TCF12: variants seen among roughly 807,000 people sequenced by gnomAD.
TCF12 encodes the protein transcription factor 12, also known as DNA-binding protein HTF4.
TCF12 carries 45 observed loss-of-function variants against 86.0 expected under a neutral mutation model. That is an observed-to-expected ratio of 0.52 (90% CI 0.41 to 0.67). The LOEUF is 0.67. Ranked by LOEUF, TCF12 falls within the 30% of genes least tolerant of loss-of-function variation. TCF12 has a pLI of 0.00. For synonymous variants in TCF12, 330 were observed against 299.6 expected (o/e 1.10, Z -1.05); for missense variants, 881 against 859.9 (o/e 1.02, Z -0.31).
chr15:57,197,874 G>A, intron 8 of TCF12, 49 bp downstream of exon 8: 2 of 1,586,796 alleles, frequency 1.3e-6, no homozygotes, highest in Non-Finnish European at 1.7e-6. Flanking sequence ...CTGATTTCAA[G>A]TGTTCCGTAT....
chr15:57,098,305 T>C (rs1262124960), intron 5 of TCF12, among the ~76,000 whole-genome samples: 12 of 152,226 alleles, frequency 7.9e-5, no homozygotes, highest in African/African-American at 2.9e-4. Flanking sequence ...TAACTTCTTG[T>C]GTTCAACCAT....
intron 5 of TCF12, among the ~76,000 whole-genome samples, chr15:57,133,074 T>C (rs1414768974): frequency 6.6e-6 from 1 of 152,234 alleles, no homozygotes; most frequent in Non-Finnish European, 1.5e-5. Context: ...TTATCCTTCA[T>C]ACAAGATTAC....
chr15:57,020,396 G>A (rs2065407311), intron 3 of TCF12, among the ~76,000 whole-genome samples: 1 of 152,144 alleles, frequency 6.6e-6, no homozygotes, highest in South Asian at 2.1e-4. Context: ...ATTTTGCATG[G>A]CAATGTTTTG....
At chr15:56,969,318 A>G (rs1260474130) in intron 3 of TCF12, among the ~76,000 whole-genome samples, 2 of 152,102 alleles carry the variant, frequency 1.3e-5, no homozygotes, top group African/African-American at 4.8e-5. Flanking sequence ...GGGTAGAAAG[A>G]AGAGACCAGT....
intron 8 of TCF12, among the ~76,000 whole-genome samples, chr15:57,210,035 G>C (rs1400130415): frequency 3.3e-5 from 5 of 152,032 alleles, no homozygotes; most frequent in Non-Finnish European, 7.4e-5. Flanking sequence ...CATACCCCTA[G>C]TACCTCCTCA....
At chr15:56,963,456 G>C (rs1272307452) in intron 3 of TCF12, among the ~76,000 whole-genome samples, 1 of 152,150 alleles carries the variant, frequency 6.6e-6, no homozygotes, top group East Asian at 1.9e-4. Context: ...TGATTCAGGA[G>C]TTAAATCTTT....
At chr15:57,165,163 T>TGTGC (rs59380805) in intron 5 of TCF12, among the ~76,000 whole-genome samples, 10,757 of 149,328 alleles carry the variant, frequency 0.072, 534 homozygotes, top group Non-Finnish European at 0.11. Context: ...TGTGTGTGTG[T>TGTGC]GCGTACACGA....
chr15:57,234,880 C>G (rs7167268), intron 12 of TCF12, among the ~76,000 whole-genome samples: 28,300 of 152,082 alleles, frequency 0.19, 3,151 homozygotes, highest in Non-Finnish European at 0.24. Flanking sequence ...AGTAGTATGC[C>G]TCTTAGAATT....
intron 5 of TCF12, among the ~76,000 whole-genome samples, chr15:57,093,979 G>C (rs1257583371): frequency 6.6e-6 from 1 of 152,148 alleles, no homozygotes; most frequent in African/African-American, 2.4e-5. Flanking sequence ...GCGGTCGCAT[G>C]ATGATGACTC....
intron 3 of TCF12, among the ~76,000 whole-genome samples, chr15:56,969,779 G>GT (rs1177217983): frequency 1.1e-4 from 17 of 152,110 alleles, no homozygotes; most frequent in African/African-American, 4.1e-4. Flanking sequence ...ATCAATTTGG[G>GT]AGTCATCTGA....
chr15:57,128,233 T>C (rs1362565332), intron 5 of TCF12, among the ~76,000 whole-genome samples: 1 of 152,228 alleles, frequency 6.6e-6, no homozygotes, highest in Non-Finnish European at 1.5e-5. Context: ...AAACATGTAA[T>C]TGTACTCCTT....
At chr15:57,027,937 G>A (rs1209498010) in intron 3 of TCF12, among the ~76,000 whole-genome samples, 1 of 152,020 alleles carries the variant, frequency 6.6e-6, no homozygotes, top group Admixed American at 6.6e-5. Context: ...CTAGGCATGT[G>A]GAACTGTGAG....
intron 3 of TCF12, among the ~76,000 whole-genome samples, chr15:56,976,375 C>T (rs970474144): frequency 2.0e-5 from 3 of 150,550 alleles, no homozygotes; most frequent in South Asian, 2.1e-4. Context: ...GAAGTACAGG[C>T]GGCCGCTACC....
At chr15:57,008,633 C>T (rs984041489) in intron 3 of TCF12, among the ~76,000 whole-genome samples, 1 of 152,214 alleles carries the variant, frequency 6.6e-6, no homozygotes, top group East Asian at 1.9e-4. Context: ...TCCTTATTGT[C>T]CAAGTATTCA....
intron 5 of TCF12, among the ~76,000 whole-genome samples, chr15:57,151,829 G>T (rs536634384): frequency 6.6e-6 from 1 of 151,716 alleles, no homozygotes; most frequent in Non-Finnish European, 1.5e-5. Flanking sequence ...CTTCAAAGAG[G>T]CCCAAGCACA....
chr15:56,992,632 G>T (rs1294472031), intron 3 of TCF12, among the ~76,000 whole-genome samples: 3 of 152,186 alleles, frequency 2.0e-5, no homozygotes, highest in Non-Finnish European at 2.9e-5. Context: ...AGGAAGTAGA[G>T]TTCTTCTTTT....
chr15:57,236,666 C>T (rs1158078810), intron 12 of TCF12, among the ~76,000 whole-genome samples: 1 of 152,052 alleles, frequency 6.6e-6, no homozygotes, highest in African/African-American at 2.4e-5. Flanking sequence ...ACACAGAATA[C>T]TGTGTGATTA....
At chr15:57,229,882 T>G (rs1024714576) in intron 8 of TCF12, among the ~76,000 whole-genome samples, 8 of 151,926 alleles carry the variant, frequency 5.3e-5, no homozygotes, top group African/African-American at 1.9e-4. Context: ...TCTTTACAGT[T>G]AATACCTCCA....
Position 57,260,262 on chromosome 15 carries a change from TGATCA to T in TCF12, c.1468-1829_1468-1825del, listed in dbSNP as rs576488396. Among the ~76,000 whole-genome samples the T allele has an allele frequency of 5.2e-3, 796 of 152,306 alleles. 10 individuals carry two copies. Among genetic ancestry groups the T allele is most frequent in the African/African-American group, 0.018 (762 of 41,550 alleles). On this transcript the variant is annotated intron_variant, in intron 16 of 20. Coordinates refer to ENST00000333725, the MANE Select transcript of TCF12 (RefSeq NM_207037.2). ...TTTCTAAGATTTATTATTTAGGTAA[TGATCA>T]GACACTTTTTAATAGTTGAGCTTTA...
Sources: allele counts gnomAD v4.1 joint callset (sites outside exome capture counted in the v4.1 genomes callset), GRCh38; gene constraint gnomAD v4.1.1; transcripts MANE v1.5; gene names NCBI Gene and HGNC (gene_info 2026-07-23, HGNC 2026-07-21).